The following MAK variants were observed in gnomAD, a reference collection of about 807,000 sequenced individuals.
MAK encodes the protein male germ cell associated kinase.
A neutral mutation model predicts 82.6 loss-of-function variants in MAK; 65 were observed. The ratio of observed to expected loss-of-function variants is 0.79; its 90% CI spans 0.64 to 0.97. The LOEUF (loss-of-function observed/expected upper bound fraction) is 0.97. MAK is among the 50% of genes least tolerant of loss of function. The pLI, the probability that MAK is intolerant of heterozygous loss-of-function variation, is 0.00. For synonymous variants in MAK, 250 were observed against 274.2 expected (o/e 0.91, Z 0.87); for missense variants, 703 against 780.2 (o/e 0.90, Z 1.18).
At chr6:10,771,879 G>A (rs1011867040) in intron 13 of MAK, among the ~76,000 whole-genome samples, 7 of 152,110 alleles carry the variant, frequency 4.6e-5, no homozygotes, top group South Asian at 2.1e-4. Flanking sequence ...AAAAATTTTC[G>A]GAAGGAAATT....
At chr6:10,788,450 C>T (rs1386966528) in intron 10 of MAK, among the ~76,000 whole-genome samples, 1 of 151,934 alleles carries the variant, frequency 6.6e-6, no homozygotes, top group Non-Finnish European at 1.5e-5. Flanking sequence ...GTTTTCAAGT[C>T]GCCAGGTGCG....
chr6:10,794,868 T>C (rs910090351), intron 9 of MAK, among the ~76,000 whole-genome samples: 1 of 152,018 alleles, frequency 6.6e-6, no homozygotes, highest in African/African-American at 2.4e-5. Flanking sequence ...GGCACATGCC[T>C]GTAATCCGAG....
chr6:10,810,343 T>A (rs1325382339), intron 5 of MAK, among the ~76,000 whole-genome samples: 9 of 143,312 alleles, frequency 6.3e-5, no homozygotes, highest in Non-Finnish European at 1.2e-4. Flanking sequence ...TTTTATCTTT[T>A]TCTTTTTTTT....
chr6:10,796,592 G>A (rs939126780), intron 8 of MAK, among the ~76,000 whole-genome samples: 9 of 152,144 alleles, frequency 5.9e-5, no homozygotes, highest in African/African-American at 1.2e-4. Context: ...GATCACTTGC[G>A]GTCAGGAGTT....
intron 4 of MAK, among the ~76,000 whole-genome samples, chr6:10,815,912 G>GTGTGTATGTATATATA (rs1554184483): frequency 9.2e-6 from 1 of 108,320 alleles, no homozygotes; most frequent in Non-Finnish European, 1.8e-5. Flanking sequence ...GCTTTATACA[G>GTGTGTATGTATATATA]TATATATATA....
At position 10,830,617 on chromosome 6, in the gene MAK, C is replaced by T. The variant is rs760408768; in HGVS notation, c.32G>A (p.Gly11Glu). 5 of 1,614,098 alleles carry T rather than the reference C, an allele frequency of 3.1e-6. No individual in the cohort carries two copies. In the South Asian group the frequency reaches 5.5e-5, roughly 18 times the overall value. The change falls in exon 2 of 15, where the codon GGG becomes GAG. Residue 11 changes from glycine (G) to glutamate (E), a missense_variant. By Grantham distance (98) the Gly-to-Glu change is moderately conservative. Transcript: ENST00000354489. ...AAGCACACTCCCATACGTGCCGTCC[C>T]CCAACTGTCTCATGGTTGTGTATCG... MNRYTTMRQL[G>E]DGTYGSVLMG...
intron 10 of MAK, chr6:10,784,937 A>G: frequency 2.1e-6 from 1 of 470,552 alleles, no homozygotes; most frequent in Non-Finnish European, 4.2e-6. Context: ...AAAATAATTT[A>G]CAATCAATGA....
chr6:10,806,971 G>C (rs750243347), intron 6 of MAK, among the ~76,000 whole-genome samples: 1 of 151,998 alleles, frequency 6.6e-6, no homozygotes, highest in Admixed American at 6.6e-5. Flanking sequence ...ACTAAGACAC[G>C]GACTCCTTTC....
chr6:10,769,361 C>G (rs2127509837), intron 14 of MAK, among the ~76,000 whole-genome samples: 1 of 152,318 alleles, frequency 6.6e-6, no homozygotes, highest in East Asian at 1.9e-4. Context: ...ATGGTCAAAT[C>G]TGATTGGCTT....
In MAK at chr6:10,791,674, C is replaced by A. The variant is rs776150856; in HGVS notation, c.1316+1G>T. The A allele has an allele frequency of 6.2e-7, 1 of 1,612,082 alleles. No individual in the cohort carries two copies. On this transcript the variant is annotated splice_donor_variant, in intron 10 of 14. Coordinates refer to ENST00000354489, the MANE Select transcript of MAK (RefSeq NM_001242957.3). LOFTEE classifies it high-confidence loss of function. ...TTTTTCTGAGGAATTTGAAATCTTA[C>A]CGAAATGGAGAATCTTTTTTCCTTT... is the stretch of plus-strand genomic sequence containing the variant.
intron 10 of MAK, among the ~76,000 whole-genome samples, chr6:10,789,208 G>A (rs1774863740): frequency 6.6e-6 from 1 of 151,004 alleles, no homozygotes. Context: ...ACTCCTTAGA[G>A]ATTCCTCGTG....
At chr6:10,783,787 A>C (rs189049710) in intron 11 of MAK, among the ~76,000 whole-genome samples, 2 of 152,306 alleles carry the variant, frequency 1.3e-5, no homozygotes, top group East Asian at 3.9e-4. Flanking sequence ...TTGGGAGGCC[A>C]AGGCGGGCGG....
Position 10,775,380 on chromosome 6 carries a change from G to C in MAK, c.1545C>G (p.Pro515=). Residue 515 remains proline (P), a synonymous_variant, in exon 12 of 15, where the codon CCC becomes CCG. Transcript: ENST00000354489. ...CTGCCCCAACGGGTCCCAGTGACTT[G>C]GGGAATAACTGGTTGCTCCAAGTGT... ...NPHTWSNQLF[P]KSLGPVGAEL... The C allele has an allele frequency of 6.2e-7, 1 of 1,613,940 alleles. No homozygotes were observed. Among genetic ancestry groups the C allele is most frequent in the Non-Finnish European group, 8.5e-7 (1 of 1,179,842 alleles).
At chr6:10,774,447 CTCTT>C (rs1010820286) in intron 12 of MAK, among the ~76,000 whole-genome samples, 3 of 152,056 alleles carry the variant, frequency 2.0e-5, no homozygotes, top group South Asian at 2.1e-4. Flanking sequence ...TATTTTCTCT[CTCTT>C]TTCTTTTTTC....
In MAK at chr6:10,768,698, G is replaced by A. The variant is rs540449015; in HGVS notation, c.1792+1413C>T. 1.4e-4 allele frequency among the ~76,000 whole-genome samples: 21 copies of A among 152,242 alleles called. No individual in the cohort carries two copies. In the East Asian group the frequency reaches 2.5e-3, roughly 18 times the overall value. On this transcript the variant is annotated intron_variant, in intron 14 of 14. Transcript: ENST00000354489. Reference sequence around the variant, plus strand: ...AAATGTTTACTTATTTTGTTTCAGCGAAAAGATAATGAAGCAATTCTTTTC... The same window carrying A: ...AAATGTTTACTTATTTTGTTTCAGCAAAAAGATAATGAAGCAATTCTTTTC...
At chr6:10,772,896 CT>C in intron 13 of MAK, 137 bp downstream of exon 13, 1 of 538,308 alleles carries the variant, frequency 1.9e-6, no homozygotes, top group Non-Finnish European at 3.3e-6. Context: ...GAATGCTTTT[CT>C]TTATCTTAGT....
chr6:10,817,763 A>G (rs547156397), intron 4 of MAK, 87 bp downstream of exon 4: 12 of 1,113,896 alleles, frequency 1.1e-5, no homozygotes, highest in African/African-American at 7.8e-5. Flanking sequence ...GGAGCAATCA[A>G]TCTTTCTCTC....
In MAK at chr6:10,817,836, G is replaced by A; in HGVS notation, c.278+14C>T. ...TGGAGAGAATAACAGGGAAAAACATGAATAAAAACATACCTGTCTTTCATT... is the reference window on the plus strand; with the variant it reads ...TGGAGAGAATAACAGGGAAAAACATAAATAAAAACATACCTGTCTTTCATT... On this transcript the variant is annotated intron_variant, in intron 4 of 14. Coordinates refer to ENST00000354489, the MANE Select transcript of MAK (RefSeq NM_001242957.3). The A allele has an allele frequency of 6.8e-7, 1 of 1,478,556 alleles. No individual in the cohort carries two copies. The allele number at this position is 1,478,556 out of a possible 1,614,324, so 91.6% of individuals were successfully genotyped here. A position where few individuals can be genotyped will look rare whatever the true frequency, so the allele number is the denominator to read the frequency against.
At position 10,776,519 on chromosome 6, in the gene MAK, C is replaced by CA. The variant is rs1773469534; in HGVS notation, c.1466-1061_1466-1060insT. The stretch of plus-strand genomic sequence containing the variant: ...GTCATTCACGGAGAGTTTTCTTTAT[C>CA]TAGTGTAGAAATCATCACTGAGGAC... On this transcript the variant is annotated intron_variant, in intron 11 of 14. Transcript: ENST00000354489. The surrounding 1 kb of genome is among the most constrained non-coding windows in gnomAD (Gnocchi z 4.3). Among the ~76,000 whole-genome samples the CA allele has an allele frequency of 6.6e-6, 1 of 152,092 alleles. No homozygotes were observed. Among genetic ancestry groups the CA allele is most frequent in the South Asian group, 2.1e-4 (1 of 4,820 alleles).
Sources: allele counts gnomAD v4.1 joint callset (sites outside exome capture counted in the v4.1 genomes callset), GRCh38; gene constraint gnomAD v4.1.1; non-coding constraint Gnocchi (gnomAD v3.1); transcripts MANE v1.5; gene names NCBI Gene and HGNC (gene_info 2026-07-23, HGNC 2026-07-21).